The following PIK3C2G variants were observed in gnomAD, a reference collection of about 807,000 sequenced individuals.
The protein encoded by PIK3C2G is phosphatidylinositol 3-kinase C2 domain-containing subunit gamma.
In PIK3C2G, 168 loss-of-function variants were observed where a neutral mutation model predicts 181.1. The ratio of observed to expected loss-of-function variants is 0.93; its 90% CI spans 0.82 to 1.05. The LOEUF (loss-of-function observed/expected upper bound fraction) is 1.05, where lower values mean the gene tolerates loss of function less well. Ranked by LOEUF, PIK3C2G falls within the 50% of genes least tolerant of loss-of-function variation. The pLI is 0.00. For missense variants in PIK3C2G, 1,869 were observed against 1,732.8 expected (o/e 1.08, Z -1.40); for synonymous variants, 573 against 592.2 (o/e 0.97, Z 0.47).
chr12:18,709,565 AT>A, the PIK3C2G span, among the ~76,000 whole-genome samples: 1 of 151,966 alleles, frequency 6.6e-6, no homozygotes, highest in African/African-American at 2.4e-5. Flanking sequence ...TGCCATTGGA[AT>A]TTTGATAAGA....
intron 18 of PIK3C2G, among the ~76,000 whole-genome samples, chr12:18,465,913 C>A (rs1246258335): frequency 6.6e-6 from 1 of 151,472 alleles, no homozygotes; most frequent in African/African-American, 2.4e-5. Flanking sequence ...ATTAGATCTA[C>A]TCGCTCTATT....
At chr12:18,723,378 T>C in the PIK3C2G span, 1 of 1,612,998 alleles carries the variant, frequency 6.2e-7, no homozygotes, top group Non-Finnish European at 8.5e-7. Flanking sequence ...CAGCTGCATA[T>C]TGTTCTTGTG....
chr12:18,485,094 GT>G (rs1454966383), intron 18 of PIK3C2G, among the ~76,000 whole-genome samples: 1 of 152,164 alleles, frequency 6.6e-6, no homozygotes, highest in Non-Finnish European at 1.5e-5. Flanking sequence ...ACACACGTGA[GT>G]AAAATTCTAG....
At chr12:18,417,051 A>C (rs972685353) in intron 16 of PIK3C2G, among the ~76,000 whole-genome samples, 1 of 152,200 alleles carries the variant, frequency 6.6e-6, no homozygotes, top group African/African-American at 2.4e-5. Context: ...CAACATTAAC[A>C]GGAGTTTCAA....
At chr12:18,382,011 G>T in intron 14 of PIK3C2G, 131 bp downstream of exon 14, 2 of 644,882 alleles carry the variant, frequency 3.1e-6, no homozygotes, top group Non-Finnish European at 5.6e-6. Flanking sequence ...CAGCCTTCTG[G>T]GATTTGTGAA....
chr12:18,397,927 AAT>A (rs1169901299), intron 15 of PIK3C2G, among the ~76,000 whole-genome samples: 4 of 152,162 alleles, frequency 2.6e-5, no homozygotes, highest in Non-Finnish European at 5.9e-5. Flanking sequence ...ACAAAGGAAT[AAT>A]ATTCATTAAT....
At chr12:18,351,990 A>G (rs1027891608) in intron 11 of PIK3C2G, among the ~76,000 whole-genome samples, 1 of 152,184 alleles carries the variant, frequency 6.6e-6, no homozygotes, top group Non-Finnish European at 1.5e-5. Flanking sequence ...GGATGTTCGC[A>G]TAACAATAAA....
At chr12:18,683,386 C>G in the PIK3C2G span, 10 of 1,547,506 alleles carry the variant, frequency 6.5e-6, no homozygotes, top group South Asian at 1.1e-4. Flanking sequence ...TCTCCAATAG[C>G]CTTGCTGAGA....
chr12:18,386,190 C>G (rs1294155634), intron 14 of PIK3C2G, among the ~76,000 whole-genome samples: 1 of 152,164 alleles, frequency 6.6e-6, no homozygotes, highest in Non-Finnish European at 1.5e-5. Context: ...AAAGACAATT[C>G]TCAAAGGTTC....
intron 4 of PIK3C2G, among the ~76,000 whole-genome samples, chr12:18,293,530 C>A (rs963032942): frequency 1.3e-5 from 2 of 152,100 alleles, no homozygotes; most frequent in African/African-American, 4.8e-5. Flanking sequence ...GAATCAAACA[C>A]CCCCTGGAAC....
At position 18,574,261 on chromosome 12, in the gene PIK3C2G, G is replaced by A. The variant is rs147368568; in HGVS notation, c.4011+7204G>A. On this transcript the variant is annotated intron_variant, in intron 29 of 32. Transcript: ENST00000538779. Reference sequence around the variant, plus strand: ...GTACAAGGCCTTTTGGATTTTTTGCGTTTTGATGTAAGAGTGAAGAACAGT... The same window carrying A: ...GTACAAGGCCTTTTGGATTTTTTGCATTTTGATGTAAGAGTGAAGAACAGT... 6.0e-3 allele frequency among the ~76,000 whole-genome samples: 911 copies of A among 152,188 alleles called. 5 individuals carry two copies. The highest frequency in any genetic ancestry group is 0.021 in the African/African-American group (855 of 41,516).
intron 18 of PIK3C2G, among the ~76,000 whole-genome samples, chr12:18,488,097 T>C (rs1278741846): frequency 6.6e-6 from 1 of 152,120 alleles, no homozygotes; most frequent in Non-Finnish European, 1.5e-5. Context: ...TACAGTCACT[T>C]ATAAAAACTA....
At chr12:18,517,050 G>A (rs921303669) in intron 24 of PIK3C2G, among the ~76,000 whole-genome samples, 5 of 138,554 alleles carry the variant, frequency 3.6e-5, no homozygotes, top group African/African-American at 1.3e-4. Flanking sequence ...TTTTTTGACA[G>A]TGTCAACTAT....
chr12:18,336,338 C>G (rs1295685624), intron 8 of PIK3C2G, among the ~76,000 whole-genome samples: 1 of 152,120 alleles, frequency 6.6e-6, no homozygotes, highest in Non-Finnish European at 1.5e-5. Context: ...ACAAACAGAT[C>G]TTGACTTCAG....
chr12:18,339,920 A>G (rs1035722805), intron 9 of PIK3C2G, among the ~76,000 whole-genome samples: 1 of 152,202 alleles, frequency 6.6e-6, no homozygotes, highest in African/African-American at 2.4e-5. Flanking sequence ...AAATTTAAAT[A>G]ATGTAAACAA....
At chr12:18,626,502 T>C (rs1949106687) in intron 31 of PIK3C2G, among the ~76,000 whole-genome samples, 2 of 152,026 alleles carry the variant, frequency 1.3e-5, no homozygotes, top group African/African-American at 4.8e-5. Context: ...TTTATACCAT[T>C]AGATTTCATG....
At chr12:18,246,037 C>T (rs1211671674), upstream of PIK3C2G, among the ~76,000 whole-genome samples, 1 of 152,062 alleles carries the variant, frequency 6.6e-6, no homozygotes, top group African/African-American at 2.4e-5. Flanking sequence ...AAGGTTTTAG[C>T]TGAGAAATAA....
rs1441507279 is a variant in PIK3C2G at position 18,451,752 on chromosome 12, C to A, written c.2504+27713C>A. On this transcript the variant is annotated intron_variant, in intron 18 of 32. Transcript: ENST00000538779. ...TTATTAGTTTATGTTTCATCAATAC[C>A]TAGTTTATTGAGAGTTTTTAGCATG... 2.6e-5 allele frequency among the ~76,000 whole-genome samples: 4 copies of A among 152,062 alleles called. No individual in the cohort carries two copies. The East Asian group carries it at 7.7e-4, about 29-fold the overall frequency.
the PIK3C2G span, among the ~76,000 whole-genome samples, chr12:18,695,851 G>A: frequency 6.6e-6 from 1 of 152,056 alleles, no homozygotes; most frequent in Non-Finnish European, 1.5e-5. Context: ...AAAGGAATTT[G>A]ATCTTCAATG....
Sources: allele counts gnomAD v4.1 joint callset (sites outside exome capture counted in the v4.1 genomes callset), GRCh38; gene constraint gnomAD v4.1.1; transcripts MANE v1.5; gene names NCBI Gene and HGNC (gene_info 2026-07-23, HGNC 2026-07-21).